The following CHRM3 variants were observed in gnomAD, a reference collection of about 807,000 sequenced individuals.
The protein encoded by CHRM3 is muscarinic acetylcholine receptor M3.
A neutral mutation model predicts 41.8 loss-of-function variants in CHRM3; 11 were observed. The observed-to-expected ratio is 0.26, with a 90% confidence interval of 0.17 to 0.44. The LOEUF (loss-of-function observed/expected upper bound fraction) is 0.44, where lower values mean the gene tolerates loss of function less well. Among genes scored for constraint, CHRM3 ranks in the 20% least tolerant of loss-of-function variants. The probability of loss-of-function intolerance (pLI) is 1.00; values close to 1 mark genes in which losing one functional copy is unlikely to be tolerated. For synonymous variants in CHRM3, 297 were observed against 301.4 expected (o/e 0.99, Z 0.15); for missense variants, 571 against 745.4 (o/e 0.77, Z 2.72).
At chr1:239,407,666 C>A (rs773052083) in intron 1 of CHRM3, among the ~76,000 whole-genome samples, 25 of 151,982 alleles carry the variant, frequency 1.6e-4, no homozygotes, top group Non-Finnish European at 3.7e-4. Flanking sequence ...CGTGGTACAC[C>A]TGAAGAACAA....
At chr1:239,601,049 T>G (rs948787038) in intron 3 of CHRM3, among the ~76,000 whole-genome samples, 1 of 152,228 alleles carries the variant, frequency 6.6e-6, no homozygotes, top group Admixed American at 6.5e-5. Context: ...ATCATCTCCC[T>G]CATTTGAAAT....
Position 239,809,169 on chromosome 1 carries a change from G to A in CHRM3, c.-146-18083G>A, listed in dbSNP as rs1051770712. ...CGAGTAGCTGGGACTACAGGCACCC[G>A]CCACCACACCCGGCTAGTTTTTTTG... On this transcript the variant is annotated intron_variant, in intron 5 of 6. Transcript: ENST00000676153. 4.0e-5 allele frequency among the ~76,000 whole-genome samples: 5 copies of A among 123,622 alleles called. No individual in the cohort carries two copies. The South Asian group carries it at 9.6e-4, about 24-fold the overall frequency. The allele number at this position is 123,622 out of a possible 152,430, so 81.1% of individuals were successfully genotyped here.
intron 6 of CHRM3, among the ~76,000 whole-genome samples, chr1:239,865,762 T>C (rs1431220388): frequency 6.6e-6 from 1 of 152,190 alleles, no homozygotes; most frequent in Admixed American, 6.5e-5. Flanking sequence ...AGAAGTGACA[T>C]GATCAAAACT....
At chr1:239,404,416 AAGAAAGAAAGAAAGAAAGAAAGAAAG>A (rs1660354072) in intron 1 of CHRM3, among the ~76,000 whole-genome samples, 35 of 78,442 alleles carry the variant, frequency 4.5e-4, no homozygotes, top group Admixed American at 1.8e-3. Flanking sequence ...AAGAAAAAGA[AAGAAAGAAAGAAAGAAAGAAAGAAAG>A]AAAGAAAGAA....
At position 239,517,966 on chromosome 1, in the gene CHRM3, C is replaced by T. The variant is rs775552342; in HGVS notation, c.-422+25159C>T. ...ACTAAAAATACAAAAATTAGCCGGA[C>T]GTGGTGGCACGTGCCTGTAGTCCCA... On this transcript the variant is annotated intron_variant, in intron 2 of 6. Coordinates refer to ENST00000676153, the MANE Select transcript of CHRM3 (RefSeq NM_001375978.1). Among the ~76,000 whole-genome samples the T allele has an allele frequency of 4.6e-5, 7 of 152,128 alleles. No homozygotes were observed. The East Asian group carries it at 5.8e-4, about 13-fold the overall frequency.
chr1:239,405,589 C>T (rs1358270244), intron 1 of CHRM3, among the ~76,000 whole-genome samples: 1 of 151,772 alleles, frequency 6.6e-6, no homozygotes. Context: ...GCTGGGGCTT[C>T]AATTACATTT....
intron 3 of CHRM3, among the ~76,000 whole-genome samples, chr1:239,575,864 T>C (rs1662288047): frequency 6.6e-6 from 1 of 152,150 alleles, no homozygotes; most frequent in African/African-American, 2.4e-5. Flanking sequence ...AGCTTGATAG[T>C]GTTACATACA....
At chr1:239,775,991 T>C (rs1234545814) in intron 5 of CHRM3, among the ~76,000 whole-genome samples, 1 of 152,242 alleles carries the variant, frequency 6.6e-6, no homozygotes, top group Non-Finnish European at 1.5e-5. Flanking sequence ...TTTCTAGACC[T>C]GAAGTCTTAC....
At chr1:239,711,417 GACCCCC>G (rs1237012349) in intron 5 of CHRM3, among the ~76,000 whole-genome samples, 28 of 151,868 alleles carry the variant, frequency 1.8e-4, no homozygotes, top group Non-Finnish European at 2.9e-5. Context: ...TGGCCACCCA[GACCCCC>G]CATTCCATCC....
At chr1:239,428,139 G>T (rs1177831862) in intron 1 of CHRM3, among the ~76,000 whole-genome samples, 1 of 152,208 alleles carries the variant, frequency 6.6e-6, no homozygotes, top group African/African-American at 2.4e-5. Context: ...CGAAAGAGAA[G>T]AGACAGGTCA....
chr1:239,714,480 G>A (rs1164494740), intron 5 of CHRM3, among the ~76,000 whole-genome samples: 2 of 152,084 alleles, frequency 1.3e-5, no homozygotes, highest in East Asian at 1.9e-4. Flanking sequence ...GAGTTACTTG[G>A]GTGAGGAGGG....
chr1:239,591,449 A>T (rs1335455083), intron 3 of CHRM3, among the ~76,000 whole-genome samples: 1 of 152,094 alleles, frequency 6.6e-6, no homozygotes, highest in Middle Eastern at 3.2e-3. Context: ...TTTGTCTCTT[A>T]TGTTCAGTTC....
intron 3 of CHRM3, among the ~76,000 whole-genome samples, chr1:239,610,210 A>AAAAAAC (rs1666862425): frequency 6.7e-6 from 1 of 149,164 alleles, no homozygotes; most frequent in African/African-American, 2.5e-5. Context: ...AAAAAAAAAA[A>AAAAAAC]AGGACTATAA....
intron 5 of CHRM3, among the ~76,000 whole-genome samples, chr1:239,803,438 T>C (rs1670372091): frequency 1.3e-5 from 2 of 152,094 alleles, no homozygotes; most frequent in African/African-American, 4.8e-5. Flanking sequence ...ATCACACTCT[T>C]TTCAAAACCA....
intron 2 of CHRM3, among the ~76,000 whole-genome samples, chr1:239,530,176 T>G (rs1670300651): frequency 6.6e-6 from 1 of 152,184 alleles, no homozygotes; most frequent in Non-Finnish European, 1.5e-5. Flanking sequence ...GTGCTGGGAT[T>G]ACAGGCGTGA....
At chr1:239,417,579 G>GTTTTTTTT (rs34926014) in intron 1 of CHRM3, among the ~76,000 whole-genome samples, 3 of 122,652 alleles carry the variant, frequency 2.4e-5, no homozygotes, top group Non-Finnish European at 3.3e-5. Context: ...AGATTAATTT[G>GTTTTTTTT]TTTTTTTTTT....
At chr1:239,530,944 TG>T (rs565533637) in intron 2 of CHRM3, among the ~76,000 whole-genome samples, 8 of 152,168 alleles carry the variant, frequency 5.3e-5, no homozygotes, top group Non-Finnish European at 1.2e-4. Context: ...TCCCAATTTT[TG>T]TGAAACATAT....
intron 3 of CHRM3, among the ~76,000 whole-genome samples, chr1:239,594,860 C>T (rs10802778): frequency 0.67 from 102,339 of 152,068 alleles, 39,511 homozygotes; most frequent in East Asian, 0.84. Context: ...GAGGCTGAGG[C>T]GGGAGGATCA....
intron 3 of CHRM3, among the ~76,000 whole-genome samples, chr1:239,617,406 T>C (rs1357274365): frequency 6.6e-6 from 1 of 152,122 alleles, no homozygotes; most frequent in Non-Finnish European, 1.5e-5. Flanking sequence ...CAGACAGTCC[T>C]GGTGACTCTC....
Sources: gnomAD v4.1 joint callset for allele counts (sites outside exome capture counted in the v4.1 genomes callset) on GRCh38, gnomAD v4.1.1 for gene constraint, MANE v1.5 for transcripts, NCBI Gene and HGNC (gene_info 2026-07-23, HGNC 2026-07-21) for gene names.